Variants in SPTB observed in about 807,000 individuals in gnomAD.
The protein encoded by SPTB is spectrin beta, erythrocytic.
A neutral mutation model predicts 256.2 loss-of-function variants in SPTB; 45 were observed. That is an observed-to-expected ratio of 0.18 (90% CI 0.14 to 0.23). The LOEUF (loss-of-function observed/expected upper bound fraction) is 0.23, where lower values mean the gene tolerates loss of function less well. Ranked by LOEUF, SPTB falls within the 10% of genes least tolerant of loss-of-function variation. The probability of loss-of-function intolerance (pLI) is 1.00; values close to 1 mark genes in which losing one functional copy is unlikely to be tolerated. For missense variants in SPTB, 2,715 were observed against 3,040.4 expected, an observed-to-expected ratio of 0.89 and a Z score of 2.52; for synonymous variants, 1,231 against 1,243.1, an observed-to-expected ratio of 0.99 and a Z score of 0.21.
In SPTB at chr14:64,825,791, AGGC is replaced by A. The variant is rs905845544; in HGVS notation, c.-51-2649_-51-2647del. Among the ~76,000 whole-genome samples, 1 of 152,242 alleles carries A rather than the reference AGGC, an allele frequency of 6.6e-6. No homozygotes were observed. The highest frequency in any genetic ancestry group is 2.4e-5 in the African/African-American group (1 of 41,462). ...GATGAGCCTGAGCAGGCCGACCAGC[AGGC>A]CCAGCGTTCAAGACAAGATTGATGG... On this transcript the variant is annotated intron_variant, in intron 1 of 35. Transcript: ENST00000644917. This position sits in a 1 kb window ranked among gnomAD's most constrained non-coding sequence, Gnocchi z 4.8.
intron 1 of SPTB, among the ~76,000 whole-genome samples, chr14:64,876,411 A>C (rs1239641381): frequency 6.6e-6 from 1 of 152,088 alleles, no homozygotes; most frequent in Non-Finnish European, 1.5e-5. Context: ...TAAATCTCCC[A>C]CTGGTCATGT....
intron 10 of SPTB, 150 bp downstream of exon 10, chr14:64,797,579 G>A (rs2082800145): frequency 2.8e-6 from 2 of 710,192 alleles, no homozygotes; most frequent in East Asian, 5.8e-5. Context: ...CTCAGAACCA[G>A]GTTCGATAAC....
At position 64,775,244 on chromosome 14, in the gene SPTB, C is replaced by T. The variant is rs368865153; in HGVS notation, c.4723G>A (p.Gly1575Arg). 7.5e-5 allele frequency: 121 copies of T among 1,613,702 alleles called. No homozygotes were observed. Among genetic ancestry groups the T allele is most frequent in the Non-Finnish European group, 8.6e-5 (102 of 1,180,044 alleles). The change falls in exon 23 of 36, where the codon GGG (glycine) becomes AGG (arginine). Residue 1575 changes from glycine (G) to arginine (R), a missense_variant. By Grantham distance (125) the Gly-to-Arg change is moderately radical. Around this residue, in one of 4 missense-constraint regions of SPTB, gnomAD observed 2,239 missense variants for 2,384.4 expected, o/e 0.94. Coordinates refer to ENST00000644917, the MANE Select transcript of SPTB (RefSeq NM_001355436.2). This position sits in a 1 kb window ranked among gnomAD's most constrained non-coding sequence, Gnocchi z 5.0. ...SWDRLREAAA[G>R]RLQRLRDANE... The stretch of plus-strand genomic sequence containing the variant: ...GCGTCCCTCAGTCGCTGCAGCCTCC[C>T]GGCCGCTGCCTCCCGCAGCCTGTCC...
intron 2 of SPTB, 72 bp from the exon 3 acceptor site, chr14:64,805,162 T>G: frequency 6.3e-7 from 1 of 1,577,292 alleles, no homozygotes; most frequent in Non-Finnish European, 8.7e-7. Flanking sequence ...GCCAAGGGGT[T>G]TTACCTTAAG....
chr14:64,823,527 C>A lies in SPTB; in HGVS notation c.-51-382G>T, dbSNP rs1173497902. On this transcript the variant is annotated intron_variant, in intron 1 of 35. Coordinates refer to ENST00000644917, the MANE Select transcript of SPTB (RefSeq NM_001355436.2). This position sits in a 1 kb window ranked among gnomAD's most constrained non-coding sequence, Gnocchi z 6.5. ...CAGGGCACAAGCTGGGGAAAGCAACCCTCACCCTGAGGACTAGGCCAGGAC... is the reference window on the plus strand; with the variant it reads ...CAGGGCACAAGCTGGGGAAAGCAACACTCACCCTGAGGACTAGGCCAGGAC... Among the ~76,000 whole-genome samples, 1 of 152,156 alleles carries A rather than the reference C, an allele frequency of 6.6e-6. No individual in the cohort carries two copies. Among genetic ancestry groups the A allele is most frequent in the East Asian group, 1.9e-4 (1 of 5,192 alleles).
chr14:64,822,372 T>TCACACACA (rs1355459775), intron 2 of SPTB, among the ~76,000 whole-genome samples: 1 of 2,426 alleles, frequency 4.1e-4, no homozygotes, highest in Non-Finnish European at 8.3e-4. Flanking sequence ...TCTCTCTCTC[T>TCACACACA]CTCACACACA....
At chr14:64,771,251 G>C (rs2082274632) in intron 26 of SPTB, 122 bp from the exon 27 acceptor site, 5 of 1,485,990 alleles carry the variant, frequency 3.4e-6, no homozygotes, top group African/African-American at 1.4e-5. Flanking sequence ...CTGGAAGGTA[G>C]GATCTTCAGC....
rs2082718032 is a variant in SPTB, at chr14:64,793,730, C to T, written c.1933G>A (p.Glu645Lys). 8 of 1,614,228 alleles carry T rather than the reference C, an allele frequency of 5.0e-6. No individual in the cohort carries two copies. The highest frequency in any genetic ancestry group is 5.9e-6 in the Non-Finnish European group (7 of 1,180,052). Residue 645 changes from glutamate (E) to lysine (K), a missense_variant, in exon 14 of 36, where the codon GAG becomes AAG. Around this residue, in one of 4 missense-constraint regions of SPTB, gnomAD observed 2,239 missense variants for 2,384.4 expected, o/e 0.94. Transcript: ENST00000644917. This position sits in a 1 kb window ranked among gnomAD's most constrained non-coding sequence, Gnocchi z 7.0. Reference sequence around the variant, plus strand: ...ATCCAGCTCTCAGCCTCATCCATCTCCCAGAAGAACTTCCAGAGTCGTTTG... The same window carrying T: ...ATCCAGCTCTCAGCCTCATCCATCTTCCAGAAGAACTTCCAGAGTCGTTTG... ...QSKRLWKFFW[E>K]MDEAESWIKE...
chr14:64,805,786 C>T (rs1472875745), intron 2 of SPTB, among the ~76,000 whole-genome samples: 4 of 152,110 alleles, frequency 2.6e-5, no homozygotes, highest in African/African-American at 7.2e-5. Context: ...AACAAATTTC[C>T]TGCCCTCAAG....
chr14:64,783,127 A>C (rs2082500801), intron 19 of SPTB, among the ~76,000 whole-genome samples: 1 of 152,180 alleles, frequency 6.6e-6, no homozygotes, highest in Non-Finnish European at 1.5e-5. Context: ...CCTGGTTTTC[A>C]TCTGCATAGA....
Position 64,807,998 on chromosome 14 carries a change from C to T in SPTB, c.149-2908G>A, listed in dbSNP as rs1480635516. 6.6e-5 allele frequency among the ~76,000 whole-genome samples: 10 copies of T among 152,232 alleles called. No homozygotes were observed. Among genetic ancestry groups the T allele is most frequent in the Admixed American group, 6.5e-4 (10 of 15,292 alleles). The stretch of plus-strand genomic sequence containing the variant: ...GACAGCCTCTGCTGCCATCAAACCC[C>T]GGCATCTCATTCCTCTCTGTTCCTC... On this transcript the variant is annotated intron_variant, in intron 2 of 35. Coordinates refer to ENST00000644917, the MANE Select transcript of SPTB (RefSeq NM_001355436.2). The surrounding 1 kb of genome is among the most constrained non-coding windows in gnomAD (Gnocchi z 4.7).
In SPTB at chr14:64,769,818, C is replaced by A. The variant is rs527408574; in HGVS notation, c.5799-90G>T. 4.0e-4 allele frequency: 621 copies of A among 1,565,372 alleles called. 3 individuals carry two copies. In the African/African-American group the frequency reaches 7.0e-3, roughly 18 times the overall value. ...AACCAGAGGGGCCCACCTCCCCCTG[C>A]CTGTGGGAGTGTGACCGTGCTCCCT... On this transcript the variant is annotated intron_variant, in intron 27 of 35. Transcript: ENST00000644917.
At position 64,779,788 on chromosome 14, in the gene SPTB, C is replaced by T. The variant is rs1444889276; in HGVS notation, c.4410G>A (p.Arg1470=). 6.2e-7 allele frequency: 1 copy of T among 1,614,128 alleles called. No individual in the cohort carries two copies. The highest frequency in any genetic ancestry group is 8.5e-7 in the Non-Finnish European group (1 of 1,180,018). The change falls in exon 21 of 36, where the codon AGG becomes AGA. Residue 1470 remains arginine, a synonymous_variant. Coordinates refer to ENST00000644917, the MANE Select transcript of SPTB (RefSeq NM_001355436.2). The surrounding 1 kb of genome is among the most constrained non-coding windows in gnomAD (Gnocchi z 4.2). ...FLDLLEPLGR[R]KKQLESSRAK... ...CTCTGGATGATTCCAGCTGCTTCTT[C>T]CTCCTTCCTAGGGGTTCCAGGAGGT...
intron 1 of SPTB, among the ~76,000 whole-genome samples, chr14:64,865,722 A>T (rs1835793374): frequency 6.6e-6 from 1 of 152,230 alleles, no homozygotes; most frequent in Admixed American, 6.5e-5. Context: ...GACTTCGCAC[A>T]GCTTTGAAAC....
At chr14:64,821,579 G>C (rs562604654) in intron 2 of SPTB, among the ~76,000 whole-genome samples, 1 of 112,798 alleles carries the variant, frequency 8.9e-6, no homozygotes, top group East Asian at 2.7e-4. Context: ...CCAGACTGAC[G>C]ACAAAGCCAA....
At chr14:64,834,641 G>A (rs1379249989) in intron 1 of SPTB, among the ~76,000 whole-genome samples, 1 of 151,612 alleles carries the variant, frequency 6.6e-6, no homozygotes, top group Non-Finnish European at 1.5e-5. Flanking sequence ...GGCCAGGCTG[G>A]TCTGGAATTC....
chr14:64,823,454 C>CGGG lies in SPTB; in HGVS notation c.-51-312_-51-310dup, dbSNP rs1266418426. Among the ~76,000 whole-genome samples the CGGG allele has an allele frequency of 2.0e-5, 3 of 152,158 alleles. No individual in the cohort carries two copies. The highest frequency in any genetic ancestry group is 2.1e-4 in the South Asian group (1 of 4,826). ...TTCCTCCAGACCAGCCGCCCCGCCG[C>CGGG]GGGGAGCACCCCGGGAGAGAGGAAG... is the stretch of plus-strand genomic sequence containing the variant. On this transcript the variant is annotated intron_variant, in intron 1 of 35. Transcript: ENST00000644917. The surrounding 1 kb of genome is among the most constrained non-coding windows in gnomAD (Gnocchi z 6.5).
In SPTB at chr14:64,772,981, G is replaced by C; in HGVS notation, c.5179-27C>G. 6.3e-7 allele frequency: 1 copy of C among 1,592,440 alleles called. No homozygotes were observed. The highest frequency in any genetic ancestry group is 8.5e-7 in the Non-Finnish European group (1 of 1,172,214). ...TAGGCATGGGGCAGACAGAAATGTG[G>C]TTATGGGGGGCACAGGGGTTACAGG... On this transcript the variant is annotated intron_variant, in intron 25 of 35. Transcript: ENST00000644917. The surrounding 1 kb of genome is among the most constrained non-coding windows in gnomAD (Gnocchi z 5.4).
chr14:64,878,652 A>C (rs1410445642), intron 1 of SPTB, among the ~76,000 whole-genome samples: 1 of 152,106 alleles, frequency 6.6e-6, no homozygotes, highest in African/African-American at 2.4e-5. Flanking sequence ...CTTCCCTTAG[A>C]AACTAAAATA....
Sources: gnomAD v4.1 joint callset for allele counts (sites outside exome capture counted in the v4.1 genomes callset) on GRCh38, gnomAD v4.1.1 for gene constraint, gnomAD v4.1.1 regional missense constraint, Gnocchi (gnomAD v3.1) non-coding constraint, MANE v1.5 for transcripts, NCBI Gene and HGNC (gene_info 2026-07-23, HGNC 2026-07-21) for gene names.